The following NUP98 variants were observed in gnomAD, a reference collection of about 807,000 sequenced individuals.
NUP98 encodes the protein nucleoporin 98 and 96 precursor.
NUP98 carries 26 observed loss-of-function variants against 191.9 expected under a neutral mutation model. The ratio of observed to expected loss-of-function variants is 0.14; its 90% confidence interval spans 0.10 to 0.19. The LOEUF is 0.19. Among genes scored for constraint, NUP98 ranks in the 10% least tolerant of loss-of-function variants. NUP98 has a pLI of 1.00. For synonymous variants in NUP98, 808 were observed against 778.4 expected (o/e 1.04, Z -0.63); for missense variants, 1,941 against 2,178.8 (o/e 0.89, Z 2.17).
chr11:3,708,217 T>G (rs543082710), intron 20 of NUP98, among the ~76,000 whole-genome samples: 1 of 152,216 alleles, frequency 6.6e-6, no homozygotes, highest in East Asian at 1.9e-4. Context: ...TTATTTCTAT[T>G]ACCTAATGCA....
intron 25 of NUP98, 42 bp from the exon 26 acceptor site, chr11:3,695,648 T>A: frequency 2.2e-6 from 3 of 1,370,636 alleles, no homozygotes; most frequent in Non-Finnish European, 2.9e-6. Context: ...ACTAAGGGTT[T>A]ATGGACTTCG....
intron 9 of NUP98, among the ~76,000 whole-genome samples, chr11:3,761,369 G>A (rs1396388551): frequency 6.6e-6 from 1 of 152,204 alleles, no homozygotes; most frequent in Admixed American, 6.6e-5. Context: ...GCTCACGCCT[G>A]TAATCCCAGC....
At position 3,723,388 on chromosome 11, in the gene NUP98, A is replaced by T; in HGVS notation, c.1915T>A (p.Ser639Thr). 1 of 1,614,146 alleles carries T rather than the reference A, an allele frequency of 6.2e-7. No individual in the cohort carries two copies. Among genetic ancestry groups the T allele is most frequent in the Non-Finnish European group, 8.5e-7 (1 of 1,180,006 alleles). The part of the protein sequence containing the change: ...QQDGDEDSLV[S>T]HFYTNPIAKP... The stretch of plus-strand genomic sequence containing the variant: ...GCAATAGGGTTAGTATAAAAATGTG[A>T]AACAAGGGAATCTTCATCTCCATCC... The change falls in exon 16 of 33, where the codon TCA becomes ACA. Residue 639 changes from serine (S) to threonine (T), a missense_variant. Transcript: ENST00000324932.
intron 26 of NUP98, among the ~76,000 whole-genome samples, chr11:3,693,800 A>G (rs186613743): frequency 4.5e-4 from 68 of 152,368 alleles, no homozygotes; most frequent in South Asian, 1.4e-3. Context: ...TAAAATGAGC[A>G]TAAGTGCTGA....
At chr11:3,758,192 G>T (rs1257410952) in intron 10 of NUP98, among the ~76,000 whole-genome samples, 1 of 151,038 alleles carries the variant, frequency 6.6e-6, no homozygotes, top group African/African-American at 2.4e-5. Flanking sequence ...GTGGTGGTGG[G>T]TGCCCGTAGT....
At chr11:3,700,474 TAAACTC>T in intron 24 of NUP98, 130 bp downstream of exon 24, 1 of 568,294 alleles carries the variant, frequency 1.8e-6, no homozygotes, top group Non-Finnish European at 3.1e-6. Context: ...TCTGCTTAGT[TAAACTC>T]AACCTCAGAA....
intron 2 of NUP98, among the ~76,000 whole-genome samples, chr11:3,780,159 G>A (rs534048655): frequency 6.6e-6 from 1 of 152,070 alleles, no homozygotes; most frequent in South Asian, 2.1e-4. Context: ...TGACTGTGAT[G>A]GGCACTTTTA....
At chr11:3,722,861 T>C (rs963337624) in intron 16 of NUP98, among the ~76,000 whole-genome samples, 2 of 152,104 alleles carry the variant, frequency 1.3e-5, no homozygotes, top group Non-Finnish European at 2.9e-5. Flanking sequence ...TATCCGAGTT[T>C]ACAAAGCCAG....
At chr11:3,684,946 G>C (rs2078095427) in intron 29 of NUP98, among the ~76,000 whole-genome samples, 1 of 152,094 alleles carries the variant, frequency 6.6e-6, no homozygotes, top group Non-Finnish European at 1.5e-5. Flanking sequence ...ATAATGATAA[G>C]AGCACAGACT....
At chr11:3,682,166 T>C (rs2078001277) in intron 30 of NUP98, among the ~76,000 whole-genome samples, 1 of 152,204 alleles carries the variant, frequency 6.6e-6, no homozygotes, top group Non-Finnish European at 1.5e-5. Flanking sequence ...AGGCTTTTGC[T>C]TAAGGGAATG....
chr11:3,697,481 T>C (rs548475421), intron 25 of NUP98, among the ~76,000 whole-genome samples: 6 of 152,116 alleles, frequency 3.9e-5, no homozygotes, highest in Non-Finnish European at 8.8e-5. Flanking sequence ...CTGATCATAT[T>C]AGATTAAGCT....
intron 23 of NUP98, among the ~76,000 whole-genome samples, chr11:3,701,870 G>C (rs570568449): frequency 1.3e-5 from 2 of 151,768 alleles, no homozygotes; most frequent in African/African-American, 4.8e-5. Flanking sequence ...TGTATTTTTA[G>C]TAGAGACAGA....
rs150321685 is a variant in NUP98 at position 3,795,582 on chromosome 11, C to A, written c.-29+1818G>T. Among the ~76,000 whole-genome samples, 63 of 152,250 alleles carry A rather than the reference C, an allele frequency of 4.1e-4. No homozygotes were observed. The East Asian group carries it at 0.011, about 27-fold the overall frequency. On this transcript the variant is annotated intron_variant, in intron 1 of 32. Transcript: ENST00000324932. The stretch of plus-strand genomic sequence containing the variant: ...TTAGGTATAACTCCTCCATATTTGT[C>A]TATTCATTCAAGTAAACACACTTAC...
At chr11:3,701,201 T>C (rs180726344) in intron 23 of NUP98, among the ~76,000 whole-genome samples, 30 of 151,740 alleles carry the variant, frequency 2.0e-4, no homozygotes, top group Admixed American at 1.9e-3. Context: ...TTCTAGATAC[T>C]AAAGAACTGA....
chr11:3,677,152 G>A (rs191184809), intron 31 of NUP98, among the ~76,000 whole-genome samples: 119 of 152,290 alleles, frequency 7.8e-4, no homozygotes, highest in African/African-American at 2.8e-3. Context: ...CACAAGCCAT[G>A]TAGATAATTT....
Position 3,715,327 on chromosome 11 carries a change from A to T in NUP98, c.2400-1332T>A, listed in dbSNP as rs1040414209. On this transcript the variant is annotated intron_variant, in intron 18 of 32. Coordinates refer to ENST00000324932, the MANE Select transcript of NUP98 (RefSeq NM_016320.5). ...ACACCCAGCTAATTTTTGTACTTTT[A>T]GTAGAGACGGGGTTTTGCCATGTTG... Among the ~76,000 whole-genome samples, 26 of 152,068 alleles carry T rather than the reference A, an allele frequency of 1.7e-4. 1 individual carries two copies.
rs774278517 is a variant in NUP98 at position 3,753,318 on chromosome 11, G to A, written c.1265C>T (p.Thr422Ile). The stretch of plus-strand genomic sequence containing the variant: ...ATCTCATGGTAGCAGTTTCTTACCT[G>A]TTCCAAATCCTGCACCAAGCCCAGT... ...LGTGLGAGFG[T>I]ALGAGQASLF... The change falls in exon 11 of 33, where the codon ACA becomes ATA. Residue 422 changes from threonine (T) to isoleucine (I), a missense_variant and splice_region_variant. By Grantham distance (89) the Thr-to-Ile change is moderately conservative. This residue lies in a region of NUP98 where 453 missense variants were observed against 438.2 expected (regional missense o/e 1.03). Coordinates refer to ENST00000324932, the MANE Select transcript of NUP98 (RefSeq NM_016320.5). 3 of 1,613,058 alleles carry A rather than the reference G, an allele frequency of 1.9e-6. No homozygotes were observed. The highest frequency in any genetic ancestry group is 2.5e-6 in the Non-Finnish European group (3 of 1,179,100).
At chr11:3,725,580 C>T (rs551044832) in intron 14 of NUP98, among the ~76,000 whole-genome samples, 20 of 152,334 alleles carry the variant, frequency 1.3e-4, no homozygotes, top group African/African-American at 4.6e-4. Context: ...AATGCTTTCT[C>T]TCTCTTTTGG....
intron 25 of NUP98, chr11:3,696,778 C>G (rs1390913924): frequency 6.6e-6 from 1 of 151,830 alleles, no homozygotes; most frequent in Non-Finnish European, 1.5e-5. Context: ...CCACTGCACT[C>G]CATCCTGGGG....
Sources: gnomAD v4.1 joint callset for allele counts (sites outside exome capture counted in the v4.1 genomes callset) on GRCh38, gnomAD v4.1.1 for gene constraint, gnomAD v4.1.1 regional missense constraint, MANE v1.5 for transcripts, NCBI Gene and HGNC (gene_info 2026-07-23, HGNC 2026-07-21) for gene names.